Variants in SYT16 observed in about 807,000 individuals in gnomAD.
SYT16 encodes synaptotagmin-16.
A neutral mutation model predicts 61.4 loss-of-function variants in SYT16; 42 were observed. The observed-to-expected ratio is 0.68, with a 90% CI of 0.53 to 0.89. SYT16 has a LOEUF of 0.89. Among genes scored for constraint, SYT16 ranks in the 40% least tolerant of loss-of-function variants. The pLI is 0.00. For synonymous variants in SYT16, 314 were observed against 302.3 expected (o/e 1.04, Z -0.40); for missense variants, 804 against 807.3 (o/e 1.00, Z 0.05).
chr14:61,818,626 C>T (rs192555024), intron 1 of SYT16, among the ~76,000 whole-genome samples: 4 of 147,858 alleles, frequency 2.7e-5, no homozygotes, highest in South Asian at 2.1e-4. Context: ...TGCAGTGAGC[C>T]GAGATTGCTT....
intron 1 of SYT16, among the ~76,000 whole-genome samples, chr14:61,829,711 AT>A (rs1329372048): frequency 6.6e-6 from 1 of 151,768 alleles, no homozygotes; most frequent in African/African-American, 2.4e-5. Flanking sequence ...CTGGAGTACA[AT>A]GGTGTGATCT....
intron 1 of SYT16, among the ~76,000 whole-genome samples, chr14:61,836,046 T>G (rs964395519): frequency 6.6e-6 from 1 of 152,206 alleles, no homozygotes; most frequent in African/African-American, 2.4e-5. Context: ...ATCCACTGAT[T>G]GAGAAACCTG....
intron 3 of SYT16, among the ~76,000 whole-genome samples, chr14:62,036,772 A>C (rs2054525466): frequency 6.6e-6 from 1 of 152,230 alleles, no homozygotes. Context: ...CTCATGATTC[A>C]ATCACCTCCC....
chr14:61,888,012 A>G lies in SYT16; in HGVS notation c.-325+75202A>G, dbSNP rs901861565. On this transcript the variant is annotated intron_variant, in intron 1 of 7. Coordinates refer to ENST00000683842, the MANE Select transcript of SYT16 (RefSeq NM_001367656.1). Reference sequence around the variant, plus strand: ...GGCTTTTCACATGCTTTTCTCACTCAGCTTTATCATTTTTATCTTTTGATT... The same window carrying G: ...GGCTTTTCACATGCTTTTCTCACTCGGCTTTATCATTTTTATCTTTTGATT... Among the ~76,000 whole-genome samples the G allele has an allele frequency of 2.8e-4, 43 of 152,150 alleles. 1 individual carries two copies. The highest frequency in any genetic ancestry group is 1.1e-3 in the Admixed American group (17 of 15,278).
At chr14:61,865,650 T>C (rs531206595) in intron 1 of SYT16, among the ~76,000 whole-genome samples, 40 of 152,268 alleles carry the variant, frequency 2.6e-4, no homozygotes, top group Non-Finnish European at 4.8e-4. Flanking sequence ...CTGGAGATTC[T>C]ACAGTATCTG....
intron 7 of SYT16, among the ~76,000 whole-genome samples, chr14:62,093,717 A>T (rs1363458163): frequency 3.3e-5 from 5 of 152,124 alleles, no homozygotes; most frequent in Non-Finnish European, 7.4e-5. Context: ...AAAAAATAAA[A>T]TTTTTGAAAA....
chr14:61,881,103 G>T (rs2047682033), intron 1 of SYT16, among the ~76,000 whole-genome samples: 2 of 152,178 alleles, frequency 1.3e-5, no homozygotes, highest in South Asian at 4.2e-4. Context: ...AAAGAAAAAT[G>T]TTTGTGTTTT....
intron 1 of SYT16, among the ~76,000 whole-genome samples, chr14:61,853,458 A>T (rs2046680198): frequency 6.6e-6 from 1 of 152,196 alleles, no homozygotes; most frequent in African/African-American, 2.4e-5. Context: ...GGAAGAGGTG[A>T]TAAGGTCATG....
intron 1 of SYT16, among the ~76,000 whole-genome samples, chr14:61,967,103 G>T (rs773407768): frequency 1.1e-4 from 17 of 152,332 alleles, no homozygotes; most frequent in Non-Finnish European, 2.4e-4. Context: ...GGTTTCAAAG[G>T]AAGCATGGTA....
intron 1 of SYT16, among the ~76,000 whole-genome samples, chr14:61,895,234 T>A (rs923264789): frequency 6.6e-6 from 1 of 152,160 alleles, no homozygotes; most frequent in South Asian, 2.1e-4. Flanking sequence ...CCCATCCTTA[T>A]CTCTTTTGTT....
chr14:61,955,023 T>C (rs1473281749), intron 1 of SYT16, among the ~76,000 whole-genome samples: 2 of 152,090 alleles, frequency 1.3e-5, no homozygotes, highest in Admixed American at 6.5e-5. Context: ...TTTAATAATG[T>C]TTTCAAGGTT....
chr14:61,988,517 A>G (rs1035434458), intron 2 of SYT16, among the ~76,000 whole-genome samples: 3 of 152,228 alleles, frequency 2.0e-5, no homozygotes, highest in Non-Finnish European at 2.9e-5. Flanking sequence ...TGCTGTTGCT[A>G]TAATGTTATA....
chr14:61,920,019 A>G (rs1380531349), intron 1 of SYT16, among the ~76,000 whole-genome samples: 1 of 152,120 alleles, frequency 6.6e-6, no homozygotes, highest in Non-Finnish European at 1.5e-5. Context: ...TTATGCTCAG[A>G]AAGTATTGAA....
rs146371954 is a variant in SYT16 at position 61,967,054 on chromosome 14, A to T, written c.-324-3078A>T. Among the ~76,000 whole-genome samples the T allele has an allele frequency of 3.9e-5, 6 of 152,356 alleles. No homozygotes were observed. The East Asian group carries it at 1.2e-3, about 29-fold the overall frequency. ...TCAAGGGCTTGGTAGGTGGCAACAC[A>T]CTGTAGAAGCATCCAGCTTTGTCTA... On this transcript the variant is annotated intron_variant, in intron 1 of 7. Coordinates refer to ENST00000683842, the MANE Select transcript of SYT16 (RefSeq NM_001367656.1).
chr14:62,045,812 A>G (rs1169956919), intron 3 of SYT16, among the ~76,000 whole-genome samples: 8 of 151,990 alleles, frequency 5.3e-5, no homozygotes, highest in Non-Finnish European at 1.2e-4. Flanking sequence ...ATAGTATTCC[A>G]TGGTGTATAT....
intron 6 of SYT16, among the ~76,000 whole-genome samples, chr14:62,082,095 T>C (rs896913480): frequency 1.3e-5 from 2 of 152,086 alleles, no homozygotes; most frequent in Non-Finnish European, 2.9e-5. Context: ...GAGGTGGTGA[T>C]AAAACGCCGG....
intron 6 of SYT16, among the ~76,000 whole-genome samples, chr14:62,082,916 A>G (rs2056758596): frequency 6.6e-6 from 1 of 152,252 alleles, no homozygotes; most frequent in South Asian, 2.1e-4. Context: ...GCTATGCACC[A>G]GGGACTGAGA....
At position 62,075,623 on chromosome 14, in the gene SYT16, A is replaced by G. The variant is rs1247684259; in HGVS notation, c.993+232A>G. Among the ~76,000 whole-genome samples the G allele has an allele frequency of 8.0e-3, 883 of 110,212 alleles. 8 individuals are homozygous for G. Among genetic ancestry groups the G allele is most frequent in the East Asian group, 0.076 (327 of 4,294 alleles). The allele number at this position is 110,212 out of a possible 152,430, so 72.3% of individuals were successfully genotyped here. On this transcript the variant is annotated intron_variant, in intron 5 of 7. Coordinates refer to ENST00000683842, the MANE Select transcript of SYT16 (RefSeq NM_001367656.1). ...GAACGGTAAAAAAAAAAAAAAAGAAAAAAAGAAAAAAAAATAAGAATGGTG... is the reference window on the plus strand; with the variant it reads ...GAACGGTAAAAAAAAAAAAAAAGAAGAAAAGAAAAAAAAATAAGAATGGTG...
At chr14:61,948,946 G>C (rs979340366) in intron 1 of SYT16, among the ~76,000 whole-genome samples, 1 of 151,542 alleles carries the variant, frequency 6.6e-6, no homozygotes, top group Non-Finnish European at 1.5e-5. Context: ...TGGGTCTTCT[G>C]ATTTTAAAAG....
Sources: gnomAD v4.1 joint callset for allele counts (sites outside exome capture counted in the v4.1 genomes callset) on GRCh38, gnomAD v4.1.1 for gene constraint, MANE v1.5 for transcripts, NCBI Gene and HGNC (gene_info 2026-07-23, HGNC 2026-07-21) for gene names.